Variants in CRTC3 observed in about 807,000 individuals in gnomAD.
CRTC3 encodes CREB-regulated transcription coactivator 3.
CRTC3 carries 26 observed loss-of-function variants against 74.5 expected under a neutral mutation model. The ratio of observed to expected loss-of-function variants is 0.35; its 90% CI spans 0.26 to 0.48. The LOEUF is 0.48. Among genes scored for constraint, CRTC3 ranks in the 20% least tolerant of loss-of-function variants. The probability of loss-of-function intolerance (pLI) is 0.99; values close to 1 mark genes in which losing one functional copy is unlikely to be tolerated. For synonymous variants in CRTC3, 377 were observed against 325.8 expected, an observed-to-expected ratio of 1.16 and a Z score of -1.69; for missense variants, 760 against 787.3, an observed-to-expected ratio of 0.97 and a Z score of 0.41.
At chr15:90,622,216 C>T (rs960561866) in intron 9 of CRTC3, among the ~76,000 whole-genome samples, 2 of 151,998 alleles carry the variant, frequency 1.3e-5, no homozygotes, top group Non-Finnish European at 2.9e-5. Flanking sequence ...AACCGGGGGG[C>T]GCATTACTTT....
In CRTC3 at chr15:90,641,912, C is replaced by A; in HGVS notation, c.1652-20C>A. 6.2e-7 allele frequency: 1 copy of A among 1,611,280 alleles called. No individual in the cohort carries two copies. Among genetic ancestry groups the A allele is most frequent in the South Asian group, 1.1e-5 (1 of 90,990 alleles). ...GCGCCTCCTAACCGCACTGTTTTCCCCTCTGGCCACTCCTTTCAGAAGACT... is the reference window on the plus strand; with the variant it reads ...GCGCCTCCTAACCGCACTGTTTTCCACTCTGGCCACTCCTTTCAGAAGACT... On this transcript the variant is annotated intron_variant, in intron 14 of 14. Transcript: ENST00000268184.
intron 1 of CRTC3, among the ~76,000 whole-genome samples, chr15:90,534,162 C>T (rs995755776): frequency 7.2e-5 from 11 of 151,974 alleles, no homozygotes; most frequent in African/African-American, 2.7e-4. Flanking sequence ...TGGTGGCAGT[C>T]GGGAGGCAGA....
At position 90,554,879 on chromosome 15, in the gene CRTC3, A is replaced by G. The variant is rs1041798535; in HGVS notation, c.231+14742A>G. ...GTTATGTTTCTTACTAAAAGTACCA[A>G]TGGTTGGGAATTATTTTTTAAAATA... On this transcript the variant is annotated intron_variant, in intron 2 of 14. Transcript: ENST00000268184. 2.0e-5 allele frequency among the ~76,000 whole-genome samples: 3 copies of G among 152,174 alleles called. No homozygotes were observed. The South Asian group carries it at 6.2e-4, about 31-fold the overall frequency.
chr15:90,586,705 G>A (rs908012329), intron 2 of CRTC3, among the ~76,000 whole-genome samples: 1 of 152,066 alleles, frequency 6.6e-6, no homozygotes, highest in African/African-American at 2.4e-5. Context: ...CATACCATTA[G>A]CATTTAGAAA....
intron 2 of CRTC3, among the ~76,000 whole-genome samples, chr15:90,589,473 C>T (rs529497004): frequency 3.3e-5 from 5 of 152,242 alleles, no homozygotes; most frequent in South Asian, 2.1e-4. Context: ...GCCTCAACCT[C>T]GGCCTCCTGA....
intron 1 of CRTC3, among the ~76,000 whole-genome samples, chr15:90,532,007 G>A (rs1250025463): frequency 2.6e-5 from 4 of 152,122 alleles, no homozygotes; most frequent in Admixed American, 6.5e-5. Context: ...ATAGCTCAGG[G>A]TCTCTTGAAT....
chr15:90,573,842 G>C (rs1002404957), intron 2 of CRTC3, among the ~76,000 whole-genome samples: 1 of 152,148 alleles, frequency 6.6e-6, no homozygotes, highest in African/African-American at 2.4e-5. Flanking sequence ...TAGCCACCCA[G>C]TTCACTCCCC....
intron 2 of CRTC3, among the ~76,000 whole-genome samples, chr15:90,568,159 A>G (rs1191419549): frequency 6.6e-6 from 1 of 152,232 alleles, no homozygotes; most frequent in African/African-American, 2.4e-5. Flanking sequence ...TGGAGCCTGA[A>G]GATGTGACTG....
In CRTC3 at chr15:90,629,546, G is replaced by C. The variant is rs1283825444; in HGVS notation, c.1266+14G>C. 2 of 1,612,632 alleles carry C rather than the reference G, an allele frequency of 1.2e-6. No individual in the cohort carries two copies. The highest frequency in any genetic ancestry group is 1.7e-6 in the Non-Finnish European group (2 of 1,178,836). ...CCTACCTCCCAGGTAAACACACACA[G>C]ACAGACCAACCACTACAGTGAAACA... On this transcript the variant is annotated intron_variant, in intron 11 of 14. Transcript: ENST00000268184.
intron 2 of CRTC3, among the ~76,000 whole-genome samples, chr15:90,579,746 A>G (rs892706645): frequency 6.7e-5 from 10 of 148,554 alleles, no homozygotes; most frequent in African/African-American, 2.3e-4. Context: ...GGTTTAAGCA[A>G]TTCTCCTACA....
intron 2 of CRTC3, among the ~76,000 whole-genome samples, chr15:90,573,643 T>TC (rs1967330357): frequency 6.6e-6 from 1 of 152,186 alleles, no homozygotes; most frequent in African/African-American, 2.4e-5. Context: ...CTGTTTTTTT[T>TC]CCCATTGATA....
At chr15:90,606,378 A>G (rs1036509180) in intron 5 of CRTC3, among the ~76,000 whole-genome samples, 20 of 152,310 alleles carry the variant, frequency 1.3e-4, no homozygotes, top group Admixed American at 1.1e-3. Context: ...CCTGGCCAAC[A>G]TGGTGAAACC....
intron 2 of CRTC3, among the ~76,000 whole-genome samples, chr15:90,589,990 T>TA (rs527944911): frequency 1.9e-4 from 29 of 149,902 alleles, no homozygotes; most frequent in Non-Finnish European, 4.0e-4. Context: ...TCTCAAAAAA[T>TA]AAAAAAATTA....
chr15:90,591,069 C>T (rs980840821), intron 2 of CRTC3, among the ~76,000 whole-genome samples: 4 of 152,048 alleles, frequency 2.6e-5, no homozygotes, highest in Admixed American at 1.3e-4. Flanking sequence ...ATCCTCCTGC[C>T]TCAGCCTCCC....
chr15:90,604,504 A>G (rs1470581989), intron 5 of CRTC3, 57 bp downstream of exon 5: 9 of 1,280,592 alleles, frequency 7.0e-6, no homozygotes, highest in Non-Finnish European at 9.1e-6. Flanking sequence ...CTGTCCTGAT[A>G]TTTTTTACAT....
intron 2 of CRTC3, among the ~76,000 whole-genome samples, chr15:90,582,977 G>A: frequency 6.6e-6 from 1 of 152,098 alleles, no homozygotes. Context: ...CATGAACTCT[G>A]GGCGTGTTTT....
chr15:90,581,174 C>T (rs16944584), intron 2 of CRTC3, among the ~76,000 whole-genome samples: 4,384 of 152,154 alleles, frequency 0.029, 206 homozygotes, highest in African/African-American at 0.1. Context: ...TTGGCTGGCC[C>T]GGAAGATCAT....
intron 2 of CRTC3, among the ~76,000 whole-genome samples, chr15:90,583,516 A>T (rs116782634): frequency 0.021 from 3,220 of 152,316 alleles, 105 homozygotes; most frequent in African/African-American, 0.07. Context: ...CAAAAAAGGC[A>T]TAGCCTCCAG....
At chr15:90,563,299 G>A (rs1423065616) in intron 2 of CRTC3, among the ~76,000 whole-genome samples, 1 of 151,968 alleles carries the variant, frequency 6.6e-6, no homozygotes, top group African/African-American at 2.4e-5. Flanking sequence ...CCAGCTACTC[G>A]GGAGGCTGAG....
Sources: gnomAD v4.1 joint callset for allele counts (sites outside exome capture counted in the v4.1 genomes callset) on GRCh38, gnomAD v4.1.1 for gene constraint, MANE v1.5 for transcripts, NCBI Gene and HGNC (gene_info 2026-07-23, HGNC 2026-07-21) for gene names.